RBFOX1: variants seen among roughly 807,000 people sequenced by gnomAD.
The protein encoded by RBFOX1 is RNA binding fox-1 homolog 1.
RBFOX1 carries 8 observed loss-of-function variants against 57.7 expected under a neutral mutation model. That is an observed-to-expected ratio of 0.14 (90% CI 0.08 to 0.25). The LOEUF (loss-of-function observed/expected upper bound fraction) is 0.25. Ranked by LOEUF, RBFOX1 falls within the 10% of genes least tolerant of loss-of-function variation. The pLI, the probability that RBFOX1 is intolerant of heterozygous loss-of-function variation, is 1.00. For missense variants in RBFOX1, 611 were observed against 548.5 expected (o/e 1.11, Z -1.14); for synonymous variants, 326 against 222.4 (o/e 1.47, Z -4.15).
At chr16:6,696,278 T>G (rs2061032261) in intron 3 of RBFOX1, among the ~76,000 whole-genome samples, 1 of 152,244 alleles carries the variant, frequency 6.6e-6, no homozygotes, top group African/African-American at 2.4e-5. Flanking sequence ...TTATTTAAAC[T>G]TATCTCCAAA....
At chr16:5,637,486 C>G (rs79965533) in intron 3 of RBFOX1, among the ~76,000 whole-genome samples, 1,982 of 152,266 alleles carry the variant, frequency 0.013, 64 homozygotes, top group South Asian at 0.095. Context: ...TTGTTGTGGG[C>G]TTAGCAAGCT....
At chr16:5,876,873 GC>G (rs899066408) in intron 4 of RBFOX1, among the ~76,000 whole-genome samples, 26 of 152,252 alleles carry the variant, frequency 1.7e-4, no homozygotes, top group African/African-American at 6.3e-4. Flanking sequence ...TTTATCAATG[GC>G]AAAAGGAGAG....
chr16:5,387,141 T>TG (rs1310464768), intron 1 of RBFOX1, among the ~76,000 whole-genome samples: 4 of 152,230 alleles, frequency 2.6e-5, no homozygotes, highest in Non-Finnish European at 5.9e-5. Context: ...GCTCAAATCT[T>TG]GGGGTGTAAG....
chr16:7,250,923 A>C (rs2094477740), intron 4 of RBFOX1, among the ~76,000 whole-genome samples: 2 of 152,256 alleles, frequency 1.3e-5, no homozygotes. Flanking sequence ...TTTATCATGT[A>C]CAACATGACG....
intron 4 of RBFOX1, among the ~76,000 whole-genome samples, chr16:5,871,790 C>T (rs558694579): frequency 6.6e-6 from 1 of 152,256 alleles, no homozygotes; most frequent in East Asian, 1.9e-4. Context: ...TAATGATTTC[C>T]TGTTGATACT....
chr16:7,417,532 G>GTGTGTGTT (rs764108781), intron 4 of RBFOX1, among the ~76,000 whole-genome samples: 8,757 of 138,172 alleles, frequency 0.063, 298 homozygotes, highest in African/African-American at 0.073. Context: ...ATGGTATTGT[G>GTGTGTGTT]TGTGTGTGTG....
Position 6,208,047 on chromosome 16 carries a change from T to TATATGTGTGTATACATATATATGTGTAC in RBFOX1, c.-126-108944_-126-108943insGTGTGTATACATATATATGTGTACATAT, listed in dbSNP as rs1567679593. On this transcript the variant is annotated intron_variant, in intron 1 of 15. Transcript: ENST00000550418. ...GTGTGTGTATACATATATATGTGTA[T>TATATGTGTGTATACATATATATGTGTAC]ATATATGTGTGTATATATATAGTCT... Among the ~76,000 whole-genome samples the TATATGTGTGTATACATATATATGTGTAC allele has an allele frequency of 7.2e-5, 11 of 151,880 alleles. No individual in the cohort carries two copies. In the East Asian group the frequency reaches 1.2e-3, roughly 16 times the overall value.
chr16:6,978,243 CTTGGAGAGCGTGGCT>C (rs552784684), intron 3 of RBFOX1, among the ~76,000 whole-genome samples: 26 of 152,280 alleles, frequency 1.7e-4, no homozygotes, highest in African/African-American at 5.5e-4. Flanking sequence ...AGTTTCTAGC[CTTGGAGAGCGTGGCT>C]TTGTACTTGA....
intron 1 of RBFOX1, among the ~76,000 whole-genome samples, chr16:6,204,587 A>G (rs774802130): frequency 3.2e-4 from 48 of 152,216 alleles, no homozygotes; most frequent in African/African-American, 1.1e-3. Flanking sequence ...TGGGAGCATC[A>G]TGATGGTCAG....
intron 2 of RBFOX1, among the ~76,000 whole-genome samples, chr16:6,522,153 CAG>C (rs1491197862): frequency 1.6e-5 from 2 of 122,092 alleles, no homozygotes; most frequent in Non-Finnish European, 1.7e-5. Flanking sequence ...TGGGGACCCA[CAG>C]TGTGTGTGTG....
intron 2 of RBFOX1, among the ~76,000 whole-genome samples, chr16:6,439,275 C>T (rs994376027): frequency 2.0e-5 from 3 of 152,180 alleles, no homozygotes; most frequent in African/African-American, 7.2e-5. Flanking sequence ...ATGGAAACTG[C>T]AGTCAGGAAG....
intron 3 of RBFOX1, among the ~76,000 whole-genome samples, chr16:7,013,864 C>G (rs1360903655): frequency 2.6e-5 from 4 of 152,098 alleles, no homozygotes; most frequent in African/African-American, 9.7e-5. Context: ...CACCATGTTA[C>G]CCAGGTCATT....
At chr16:5,588,381 G>C (rs1412818795) in intron 2 of RBFOX1, among the ~76,000 whole-genome samples, 1 of 152,182 alleles carries the variant, frequency 6.6e-6, no homozygotes, top group Non-Finnish European at 1.5e-5. Context: ...AAAAAAAAAT[G>C]ACTGAGAATT....
At chr16:7,377,534 C>T (rs189840875) in intron 4 of RBFOX1, among the ~76,000 whole-genome samples, 2 of 152,152 alleles carry the variant, frequency 1.3e-5, no homozygotes, top group African/African-American at 2.4e-5. Context: ...AATTTAAACC[C>T]TTGTGCTCTG....
rs193020288 is a variant in RBFOX1 at position 5,513,818 on chromosome 16, T to C, written c.258+46564T>C. ...GATTTATTTTTATAAGGAATAAATG[T>C]GATCATCAGGGCTAGAAATAATGTG... On this transcript the variant is annotated intron_variant, in intron 2 of 2. Coordinates refer to the RBFOX1 transcript ENST00000585867. Among the ~76,000 whole-genome samples the C allele has an allele frequency of 9.2e-5, 14 of 152,298 alleles. No homozygotes were observed. In the East Asian group the frequency reaches 2.3e-3, roughly 25 times the overall value.
chr16:7,312,134 C>G (rs1247279769), intron 4 of RBFOX1, among the ~76,000 whole-genome samples: 1 of 152,204 alleles, frequency 6.6e-6, no homozygotes, highest in Non-Finnish European at 1.5e-5. Context: ...AATCCCAGCA[C>G]TTTAGGAGGC....
At chr16:5,544,734 C>T (rs1028697529) in intron 2 of RBFOX1, among the ~76,000 whole-genome samples, 4 of 151,912 alleles carry the variant, frequency 2.6e-5, no homozygotes, top group African/African-American at 7.3e-5. Flanking sequence ...ATAACTATAT[C>T]TTAAAGATAA....
At chr16:5,371,063 T>A (rs1228983958) in intron 1 of RBFOX1, among the ~76,000 whole-genome samples, 1 of 152,238 alleles carries the variant, frequency 6.6e-6, no homozygotes, top group Non-Finnish European at 1.5e-5. Flanking sequence ...TTCTCCTGCC[T>A]TAGCCTCCCA....
intron 2 of RBFOX1, among the ~76,000 whole-genome samples, chr16:6,324,795 G>C (rs545687278): frequency 6.6e-6 from 1 of 152,262 alleles, no homozygotes; most frequent in East Asian, 1.9e-4. Flanking sequence ...ATGAGATATA[G>C]AAACTAGGCC....
Sources: allele counts gnomAD v4.1 joint callset (sites outside exome capture counted in the v4.1 genomes callset), GRCh38; gene constraint gnomAD v4.1.1; transcripts MANE v1.5; gene names NCBI Gene and HGNC (gene_info 2026-07-23, HGNC 2026-07-21).